Variants in CCSER1 observed in about 807,000 individuals in gnomAD.
CCSER1 encodes the protein serine-rich coiled-coil domain-containing protein 1.
Under a neutral mutation model 82.0 loss-of-function variants are expected in CCSER1, and 41 were observed. That is an observed-to-expected ratio of 0.50 (90% CI 0.39 to 0.65). The LOEUF (loss-of-function observed/expected upper bound fraction) is 0.65. Ranked by LOEUF, CCSER1 falls within the 30% of genes least tolerant of loss-of-function variation. The pLI is 0.00. For synonymous variants in CCSER1, 414 were observed against 383.9 expected (o/e 1.08, Z -0.92); for missense variants, 1,119 against 1,064.2 (o/e 1.05, Z -0.72).
At position 91,230,539 on chromosome 4, in the gene CCSER1, G is replaced by T. The variant is rs540274368; in HGVS notation, c.2217+144545G>T. 8.0e-4 allele frequency among the ~76,000 whole-genome samples: 121 copies of T among 152,054 alleles called. 1 individual carries two copies. The highest frequency in any genetic ancestry group is 1.3e-3 in the Non-Finnish European group (89 of 67,894). ...AATTAGAGATTTTTAATTGCTCATT[G>T]TAGAGATTTTTAAAATTACTTTTTA... On this transcript the variant is annotated intron_variant, in intron 10 of 10. Transcript: ENST00000509176.
At chr4:91,460,612 C>A (rs777027397) in intron 10 of CCSER1, among the ~76,000 whole-genome samples, 20 of 151,994 alleles carry the variant, frequency 1.3e-4, no homozygotes, top group Non-Finnish European at 2.5e-4. Context: ...TCTGTATTAA[C>A]CTTATCCTTA....
chr4:90,567,150 T>G (rs1476846678), intron 5 of CCSER1, among the ~76,000 whole-genome samples: 1 of 151,986 alleles, frequency 6.6e-6, no homozygotes, highest in Non-Finnish European at 1.5e-5. Flanking sequence ...TTGGGCTTAG[T>G]CTTTTCTTGT....
intron 9 of CCSER1, among the ~76,000 whole-genome samples, chr4:91,023,533 C>G (rs1233907434): frequency 6.6e-6 from 1 of 152,100 alleles, no homozygotes; most frequent in Non-Finnish European, 1.5e-5. Flanking sequence ...CTTTGACAAA[C>G]CTGACAAAAA....
intron 3 of CCSER1, among the ~76,000 whole-genome samples, chr4:90,343,069 T>C (rs115217217): frequency 0.015 from 2,211 of 152,254 alleles, 69 homozygotes; most frequent in African/African-American, 0.05. Flanking sequence ...AATAAAAGTC[T>C]CTTTCTTCAG....
At chr4:91,194,371 T>G (rs529105250) in intron 10 of CCSER1, among the ~76,000 whole-genome samples, 1 of 152,284 alleles carries the variant, frequency 6.6e-6, no homozygotes, top group Admixed American at 6.5e-5. Flanking sequence ...CTTATAAAAT[T>G]AAGGATAAGC....
chr4:90,648,025 C>A (rs1727906926), intron 6 of CCSER1, among the ~76,000 whole-genome samples: 2 of 151,918 alleles, frequency 1.3e-5, no homozygotes, highest in South Asian at 4.1e-4. Context: ...GCCTCCATTT[C>A]TTAAGGGAAC....
At chr4:90,311,729 T>G (rs932792961) in intron 2 of CCSER1, among the ~76,000 whole-genome samples, 3 of 152,232 alleles carry the variant, frequency 2.0e-5, no homozygotes, top group Non-Finnish European at 4.4e-5. Flanking sequence ...TTAACTTTTA[T>G]TCATTGTCTT....
At chr4:91,379,341 T>C (rs1301483883) in intron 10 of CCSER1, among the ~76,000 whole-genome samples, 2 of 152,184 alleles carry the variant, frequency 1.3e-5, no homozygotes, top group Non-Finnish European at 2.9e-5. Context: ...AGCTCCTCCT[T>C]GTACCTCTGG....
chr4:90,709,805 T>A (rs1289234735), intron 6 of CCSER1, among the ~76,000 whole-genome samples: 1 of 152,194 alleles, frequency 6.6e-6, no homozygotes, highest in Non-Finnish European at 1.5e-5. Context: ...TACCCAGTAA[T>A]GGGATTGCTG....
intron 9 of CCSER1, among the ~76,000 whole-genome samples, chr4:90,934,467 A>T (rs1163619978): frequency 6.6e-6 from 1 of 152,102 alleles, no homozygotes; most frequent in Non-Finnish European, 1.5e-5. Flanking sequence ...TTTGCCCCTG[A>T]AAAAGTATAA....
At chr4:90,367,510 G>C (rs1746477080) in intron 3 of CCSER1, among the ~76,000 whole-genome samples, 1 of 151,460 alleles carries the variant, frequency 6.6e-6, no homozygotes. Flanking sequence ...TTTGTCTTTA[G>C]ACAAACTTAA....
At chr4:90,357,512 C>T (rs1035849544) in intron 3 of CCSER1, among the ~76,000 whole-genome samples, 24 of 151,854 alleles carry the variant, frequency 1.6e-4, no homozygotes, top group African/African-American at 2.9e-4. Flanking sequence ...AATTGTTACA[C>T]GTCAGAGGAG....
At chr4:90,338,784 A>G (rs559084052) in intron 3 of CCSER1, among the ~76,000 whole-genome samples, 1 of 152,312 alleles carries the variant, frequency 6.6e-6, no homozygotes, top group East Asian at 1.9e-4. Context: ...ATGCCTTTGT[A>G]TATGTTGTAT....
chr4:90,802,199 CAG>C (rs1478859802), intron 7 of CCSER1, among the ~76,000 whole-genome samples: 1 of 149,394 alleles, frequency 6.7e-6, no homozygotes, highest in Non-Finnish European at 1.5e-5. Flanking sequence ...GCCTGGGCAA[CAG>C]AGTGAGACTC....
intron 9 of CCSER1, among the ~76,000 whole-genome samples, chr4:91,062,310 C>T (rs1415684576): frequency 6.6e-6 from 1 of 152,010 alleles, no homozygotes; most frequent in African/African-American, 2.4e-5. Flanking sequence ...CTAATGATTC[C>T]TTCTATCCTG....
chr4:90,888,718 G>GAA (rs1213520769), intron 8 of CCSER1, among the ~76,000 whole-genome samples: 3 of 151,722 alleles, frequency 2.0e-5, no homozygotes, highest in African/African-American at 7.3e-5. Flanking sequence ...AGATACAAGT[G>GAA]AAAAAAAATT....
intron 8 of CCSER1, among the ~76,000 whole-genome samples, chr4:90,876,985 A>T (rs1206993865): frequency 4.6e-5 from 7 of 152,074 alleles, no homozygotes; most frequent in African/African-American, 1.7e-4. Flanking sequence ...CTGTGTAGGT[A>T]ATTAATGTCT....
At chr4:91,039,995 A>G (rs1741823432) in intron 9 of CCSER1, among the ~76,000 whole-genome samples, 1 of 152,142 alleles carries the variant, frequency 6.6e-6, no homozygotes, top group Non-Finnish European at 1.5e-5. Context: ...CTCTATTCTA[A>G]TATTTAATGA....
intron 7 of CCSER1, among the ~76,000 whole-genome samples, chr4:90,770,726 G>C (rs1751967047): frequency 6.6e-6 from 1 of 151,856 alleles, no homozygotes; most frequent in Admixed American, 6.6e-5. Context: ...TCACTACAAT[G>C]CTTCATTATT....
Sources: allele counts gnomAD v4.1 joint callset (sites outside exome capture counted in the v4.1 genomes callset), GRCh38; gene constraint gnomAD v4.1.1; transcripts MANE v1.5; gene names NCBI Gene and HGNC (gene_info 2026-07-23, HGNC 2026-07-21).